GAB2: variants seen among roughly 807,000 people sequenced by gnomAD.
GAB2 encodes the protein GRB2-associated-binding protein 2.
A neutral mutation model predicts 65.5 loss-of-function variants in GAB2; 26 were observed. The ratio of observed to expected loss-of-function variants is 0.40; its 90% CI spans 0.29 to 0.55. The LOEUF (loss-of-function observed/expected upper bound fraction) is 0.55, where lower values mean the gene tolerates loss of function less well. Among genes scored for constraint, GAB2 ranks in the 20% least tolerant of loss-of-function variants. The pLI is 0.53. For missense variants in GAB2, 884 were observed against 875.8 expected (o/e 1.01, Z -0.12); for synonymous variants, 321 against 329.6 (o/e 0.97, Z 0.28).
At chr11:78,257,573 C>T (rs766909794) in intron 2 of GAB2, among the ~76,000 whole-genome samples, 1 of 152,190 alleles carries the variant, frequency 6.6e-6, no homozygotes, top group Non-Finnish European at 1.5e-5. Flanking sequence ...TCCTGGAGTA[C>T]ACATGGAGCT....
At chr11:78,410,053 G>T (rs1857106837) in intron 1 of GAB2, among the ~76,000 whole-genome samples, 1 of 151,788 alleles carries the variant, frequency 6.6e-6, no homozygotes, top group South Asian at 2.1e-4. Flanking sequence ...CTCAAGGAAA[G>T]TAAAAAAAAT....
intron 3 of GAB2, among the ~76,000 whole-genome samples, chr11:78,237,544 A>G (rs1306162475): frequency 6.6e-6 from 1 of 152,206 alleles, no homozygotes; most frequent in African/African-American, 2.4e-5. Context: ...TAAGGGAAGG[A>G]TGGATTACAA....
intron 1 of GAB2, among the ~76,000 whole-genome samples, chr11:78,365,993 T>A (rs556815188): frequency 1.3e-5 from 2 of 152,352 alleles, no homozygotes; most frequent in African/African-American, 4.8e-5. Flanking sequence ...CAGTTTTCTC[T>A]GGGCTTTGAT....
chr11:78,220,195 TG>T, intron 9 of GAB2, 123 bp downstream of exon 9: 2 of 942,666 alleles, frequency 2.1e-6, no homozygotes, highest in Non-Finnish European at 3.2e-6. Context: ...TCATAAAAGC[TG>T]GGTACTGGAG....
intron 1 of GAB2, among the ~76,000 whole-genome samples, chr11:78,406,225 G>T (rs1857042396): frequency 6.6e-6 from 1 of 152,182 alleles, no homozygotes; most frequent in Admixed American, 6.5e-5. Context: ...TGTCAATGGA[G>T]GTGGAATGAA....
intron 2 of GAB2, among the ~76,000 whole-genome samples, chr11:78,260,101 T>C (rs1865690781): frequency 6.6e-6 from 1 of 152,212 alleles, no homozygotes; most frequent in African/African-American, 2.4e-5. Flanking sequence ...TTTCCTAATG[T>C]TTATAAGAAC....
At chr11:78,238,418 C>T (rs1011789974) in intron 3 of GAB2, among the ~76,000 whole-genome samples, 1 of 150,862 alleles carries the variant, frequency 6.6e-6, no homozygotes, top group Non-Finnish European at 1.5e-5. Flanking sequence ...GATCTTGAGC[C>T]CAGGAGTTTG....
chr11:78,219,073 G>A lies in GAB2; in HGVS notation c.*199C>T. The A allele has an allele frequency of 1.8e-6, 1 of 557,532 alleles. No individual in the cohort carries two copies. The highest frequency in any genetic ancestry group is 3.2e-6 in the Non-Finnish European group (1 of 315,952). 34.5% of individuals were successfully genotyped at this position (557,532 alleles called of 1,614,324 possible). A position where few individuals can be genotyped will look rare whatever the true frequency, so the allele number is the denominator to read the frequency against. On this transcript the variant is annotated 3_prime_UTR_variant, in exon 10 of 10. Transcript: ENST00000361507. Reference sequence around the variant, plus strand: ...GATAAAAATCACAGCTGGGCCCCGAGTGGGCAGAGGAGGTGCCTTGATCAG... The same window carrying A: ...GATAAAAATCACAGCTGGGCCCCGAATGGGCAGAGGAGGTGCCTTGATCAG...
intron 1 of GAB2, among the ~76,000 whole-genome samples, chr11:78,393,508 G>T (rs140835759): frequency 6.6e-6 from 1 of 152,108 alleles, no homozygotes; most frequent in South Asian, 2.1e-4. Flanking sequence ...AAATTAAAAT[G>T]TCTAATATCA....
chr11:78,227,387 A>G (rs1159679266), intron 3 of GAB2, among the ~76,000 whole-genome samples: 2 of 152,216 alleles, frequency 1.3e-5, no homozygotes, highest in African/African-American at 4.8e-5. Flanking sequence ...GACAGTGGAA[A>G]GAACCTTTAA....
intron 1 of GAB2, among the ~76,000 whole-genome samples, chr11:78,291,471 C>CAAAAA: frequency 1.0e-5 from 1 of 95,328 alleles, no homozygotes; most frequent in Non-Finnish European, 2.1e-5. Context: ...GTCTCTGTCT[C>CAAAAA]AAAAAAAAAA....
intron 1 of GAB2, among the ~76,000 whole-genome samples, chr11:78,362,634 C>T (rs1019501413): frequency 6.6e-6 from 1 of 152,002 alleles, no homozygotes; most frequent in Non-Finnish European, 1.5e-5. Context: ...CTGTATTAAC[C>T]ACAATAAATG....
In GAB2 at chr11:78,244,255, G is replaced by A. The variant is rs144504016; in HGVS notation, c.620+5902C>T. ...AAAAATAGAAAAATTGGCCAGGCAT[G>A]GTGGTACATGACTGTGGTTCCAGCT... is the stretch of plus-strand genomic sequence containing the variant. On this transcript the variant is annotated intron_variant, in intron 3 of 9. Transcript: ENST00000361507. Among the ~76,000 whole-genome samples the A allele has an allele frequency of 4.0e-4, 61 of 152,194 alleles. 1 individual carries two copies. In the East Asian group the frequency reaches 0.012, roughly 29 times the overall value.
chr11:78,349,869 A>C (rs1463087718), intron 1 of GAB2, among the ~76,000 whole-genome samples: 2 of 152,092 alleles, frequency 1.3e-5, no homozygotes, highest in Non-Finnish European at 2.9e-5. Context: ...TCCCAGAGTA[A>C]AAATGCCAAA....
rs1016099225 is a variant in GAB2, at chr11:78,361,846, C to T, written c.75+55800G>A. ...AGTGTAAGAGTATATATCCTTTAAC[C>T]AGGCAATGCCAGAAACTTATCCTAG... On this transcript the variant is annotated intron_variant, in intron 1 of 9. Coordinates refer to ENST00000361507, the MANE Select transcript of GAB2 (RefSeq NM_080491.3). 7.9e-5 allele frequency among the ~76,000 whole-genome samples: 12 copies of T among 151,820 alleles called. No individual in the cohort carries two copies. In the South Asian group the frequency reaches 1.5e-3, roughly 18 times the overall value.
intron 1 of GAB2, among the ~76,000 whole-genome samples, chr11:78,409,807 T>C (rs1214561797): frequency 2.0e-5 from 3 of 152,116 alleles, no homozygotes; most frequent in African/African-American, 7.2e-5. Context: ...TACCCAATAA[T>C]AGCAGAATAA....
At chr11:78,405,080 A>G (rs1265151399) in intron 1 of GAB2, among the ~76,000 whole-genome samples, 2 of 150,026 alleles carry the variant, frequency 1.3e-5, no homozygotes, top group Non-Finnish European at 1.5e-5. Flanking sequence ...GAATGTGGGG[A>G]AAAAACATGG....
At chr11:78,393,195 C>T (rs879619529) in intron 1 of GAB2, among the ~76,000 whole-genome samples, 1 of 152,172 alleles carries the variant, frequency 6.6e-6, no homozygotes, top group African/African-American at 2.4e-5. Context: ...GGAATCACAA[C>T]TGCAAAGGTC....
chr11:78,270,184 G>A (rs546407844), intron 2 of GAB2, among the ~76,000 whole-genome samples: 64 of 152,064 alleles, frequency 4.2e-4, no homozygotes, highest in Admixed American at 3.2e-3. Context: ...AAAATTAGCC[G>A]GGCATGGTAG....
Sources: allele counts gnomAD v4.1 joint callset (sites outside exome capture counted in the v4.1 genomes callset), GRCh38; gene constraint gnomAD v4.1.1; transcripts MANE v1.5; gene names NCBI Gene and HGNC (gene_info 2026-07-23, HGNC 2026-07-21).